The following SNX29 variants were observed in gnomAD, a reference collection of about 807,000 sequenced individuals.
The protein encoded by SNX29 is sorting nexin-29.
A neutral mutation model predicts 102.1 loss-of-function variants in SNX29; 78 were observed. The ratio of observed to expected loss-of-function variants is 0.76; its 90% CI spans 0.64 to 0.92. The LOEUF (loss-of-function observed/expected upper bound fraction) is 0.92. SNX29 is among the 40% of genes least tolerant of loss of function. The probability of loss-of-function intolerance (pLI) is 0.00; values close to 1 mark genes in which losing one functional copy is unlikely to be tolerated. For missense variants in SNX29, 1,280 were observed against 1,061.7 expected, an observed-to-expected ratio of 1.21 and a Z score of -2.86; for synonymous variants, 580 against 414.5, an observed-to-expected ratio of 1.40 and a Z score of -4.85.
chr16:12,207,009 T>G (rs555939890), intron 14 of SNX29, among the ~76,000 whole-genome samples: 61 of 152,248 alleles, frequency 4.0e-4, no homozygotes, highest in African/African-American at 1.4e-3. Context: ...CAAGGTGCAC[T>G]TTTCTTCTTG....
intron 13 of SNX29, among the ~76,000 whole-genome samples, chr16:12,139,193 TAAAAAAAAAAAAAA>T (rs34808071): frequency 2.5e-3 from 163 of 66,154 alleles, no homozygotes; most frequent in Admixed American, 5.4e-3. Context: ...AGCGAGACTC[TAAAAAAAAAAAAAA>T]AAAAAAAAAA....
intron 18 of SNX29, among the ~76,000 whole-genome samples, chr16:12,418,731 T>C (rs111933821): frequency 0.014 from 2,142 of 152,270 alleles, 57 homozygotes; most frequent in African/African-American, 0.049. Flanking sequence ...GTTAGGCTGG[T>C]CTCGACCTCC....
chr16:12,128,387 A>T (rs745741335), intron 12 of SNX29, among the ~76,000 whole-genome samples: 1 of 152,128 alleles, frequency 6.6e-6, no homozygotes, highest in Non-Finnish European at 1.5e-5. Flanking sequence ...CTCAAGGAAC[A>T]CAAGTCTTGG....
intron 7 of SNX29, among the ~76,000 whole-genome samples, chr16:12,049,421 T>C (rs1201953003): frequency 2.6e-5 from 4 of 151,652 alleles, no homozygotes; most frequent in Non-Finnish European, 5.9e-5. Context: ...CAACCTCCAC[T>C]TCCCGGGTTC....
At chr16:12,179,207 C>T (rs568530305) in intron 13 of SNX29, among the ~76,000 whole-genome samples, 8 of 152,170 alleles carry the variant, frequency 5.3e-5, no homozygotes, top group Non-Finnish European at 1.0e-4. Context: ...TTGTGAGGGC[C>T]GGGCACAGTT....
At chr16:12,443,207 T>C in intron 18 of SNX29, 1 of 347,978 alleles carries the variant, frequency 2.9e-6, no homozygotes, top group Non-Finnish European at 5.7e-6. Context: ...TAGATCCTGC[T>C]GGGGACATGG....
In SNX29 at chr16:12,146,589, C is replaced by G. The variant is rs143344597; in HGVS notation, c.1595+16831C>G. Among the ~76,000 whole-genome samples, 3 of 152,274 alleles carry G rather than the reference C, an allele frequency of 2.0e-5. No individual in the cohort carries two copies. In the East Asian group the frequency reaches 5.8e-4, roughly 29 times the overall value. ...CCAAGAGATATGAATGTTTTCATGG[C>G]CCAAGTTCTTGGCGGCAGGCTGAGG... On this transcript the variant is annotated intron_variant, in intron 13 of 20. Coordinates refer to ENST00000566228, the MANE Select transcript of SNX29 (RefSeq NM_032167.5).
At chr16:12,564,397 G>A (rs761488218) in intron 20 of SNX29, among the ~76,000 whole-genome samples, 11 of 138,296 alleles carry the variant, frequency 8.0e-5, no homozygotes, top group Admixed American at 1.4e-4. Flanking sequence ...GCATAAATAT[G>A]CATCAATGAT....
chr16:11,991,237 T>G (rs146937003), intron 1 of SNX29, among the ~76,000 whole-genome samples: 3 of 152,330 alleles, frequency 2.0e-5, no homozygotes, highest in African/African-American at 7.2e-5. Flanking sequence ...GTAATACTAG[T>G]AAGTCATTTA....
chr16:12,324,643 G>C (rs1434872096), intron 15 of SNX29, among the ~76,000 whole-genome samples: 2 of 152,198 alleles, frequency 1.3e-5, no homozygotes, highest in African/African-American at 4.8e-5. Flanking sequence ...GCCCATTTGT[G>C]AATTGATCCC....
chr16:12,556,865 T>G (rs2078387175), intron 20 of SNX29, among the ~76,000 whole-genome samples: 1 of 152,096 alleles, frequency 6.6e-6, no homozygotes, highest in South Asian at 2.1e-4. Context: ...TGAATTTTTT[T>G]TTTTTGAGAT....
At chr16:12,166,936 T>A (rs977056580) in intron 13 of SNX29, among the ~76,000 whole-genome samples, 1 of 152,258 alleles carries the variant, frequency 6.6e-6, no homozygotes, top group Non-Finnish European at 1.5e-5. Flanking sequence ...GCTCCGTCTT[T>A]GCTTTGGGTT....
At chr16:12,561,087 TCA>T (rs1289028286) in intron 20 of SNX29, 3 of 225,516 alleles carry the variant, frequency 1.3e-5, no homozygotes, top group East Asian at 1.3e-4. Context: ...TCAGCATAGT[TCA>T]CAGTGGAATT....
Position 12,096,830 on chromosome 16 carries a change from A to C in SNX29, c.1402+17915A>C, listed in dbSNP as rs775952046. 6.6e-6 allele frequency among the ~76,000 whole-genome samples: 1 copy of C among 152,222 alleles called. No homozygotes were observed. The highest frequency in any genetic ancestry group is 1.5e-5 in the Non-Finnish European group (1 of 68,040). On this transcript the variant is annotated intron_variant, in intron 11 of 20. Transcript: ENST00000566228. This position sits in a 1 kb window ranked among gnomAD's most constrained non-coding sequence, Gnocchi z 4.2. ...GACCAGTGCTGGATGCTGGTCACTC[A>C]TATAGACCCTGGATTCCTTGCTCCC... is the stretch of plus-strand genomic sequence containing the variant.
intron 20 of SNX29, among the ~76,000 whole-genome samples, chr16:12,561,344 C>T (rs577004927): frequency 1.3e-5 from 2 of 152,114 alleles, no homozygotes; most frequent in African/African-American, 2.4e-5. Flanking sequence ...AGTGGTGAGA[C>T]TCACAGACTT....
intron 20 of SNX29, among the ~76,000 whole-genome samples, chr16:12,538,250 G>A (rs1369586142): frequency 6.6e-6 from 1 of 151,990 alleles, no homozygotes; most frequent in African/African-American, 2.4e-5. Context: ...CTAGTAGCTG[G>A]GATTACAGGG....
chr16:12,523,790 C>T (rs553267458), intron 19 of SNX29, among the ~76,000 whole-genome samples: 2 of 152,180 alleles, frequency 1.3e-5, no homozygotes, highest in African/African-American at 2.4e-5. Flanking sequence ...GGAAACTGCT[C>T]AGACCTGGGG....
At chr16:12,413,531 G>T (rs1411140115) in intron 18 of SNX29, among the ~76,000 whole-genome samples, 2 of 152,084 alleles carry the variant, frequency 1.3e-5, no homozygotes, top group Non-Finnish European at 2.9e-5. Flanking sequence ...TGTGGAGAAG[G>T]AAGCTGAGGT....
chr16:12,536,332 C>G (rs891445832), intron 20 of SNX29, among the ~76,000 whole-genome samples: 4 of 152,044 alleles, frequency 2.6e-5, no homozygotes, highest in Non-Finnish European at 5.9e-5. Flanking sequence ...ACTAATGCAG[C>G]AGGAAACAAG....
Sources: allele counts gnomAD v4.1 joint callset (sites outside exome capture counted in the v4.1 genomes callset), GRCh38; gene constraint gnomAD v4.1.1; non-coding constraint Gnocchi (gnomAD v3.1); transcripts MANE v1.5; gene names NCBI Gene and HGNC (gene_info 2026-07-23, HGNC 2026-07-21).